The following CSMD2 variants were observed in gnomAD, a reference collection of about 807,000 sequenced individuals.
CSMD2 encodes the protein CUB and sushi domain-containing protein 2.
Under a neutral mutation model 398.5 loss-of-function variants are expected in CSMD2, and 130 were observed. The ratio of observed to expected loss-of-function variants is 0.33; its 90% CI spans 0.28 to 0.38. CSMD2 has a LOEUF of 0.38. Ranked by LOEUF, CSMD2 falls within the 10% of genes least tolerant of loss-of-function variation. The probability of loss-of-function intolerance (pLI) is 1.00; values close to 1 mark genes in which losing one functional copy is unlikely to be tolerated. For synonymous variants in CSMD2, 1,828 were observed against 1,908.5 expected (o/e 0.96, Z 1.10); for missense variants, 3,829 against 4,764.9 (o/e 0.80, Z 5.78).
At chr1:33,638,224 T>A (rs189288273) in intron 29 of CSMD2, among the ~76,000 whole-genome samples, 1 of 152,214 alleles carries the variant, frequency 6.6e-6, no homozygotes, top group African/African-American at 2.4e-5. Context: ...GTCTTCTCCA[T>A]ATGCCTAGTG....
rs145280132 is a variant in CSMD2 at position 33,798,913 on chromosome 1, C to CAGCTT, written c.1447-6388_1447-6387insAAGCT. On this transcript the variant is annotated intron_variant, in intron 10 of 70. Transcript: ENST00000373381. Reference sequence around the variant, plus strand: ...GCATGTGCCCAAAGCCTGCACAAGCCTGCAGAGGATCTGCCAGCTCAGGGC... The same window carrying CAGCTT: ...GCATGTGCCCAAAGCCTGCACAAGCCAGCTTTGCAGAGGATCTGCCAGCTCAGGGC... 6.9e-3 allele frequency among the ~76,000 whole-genome samples: 1,047 copies of CAGCTT among 152,364 alleles called. 7 individuals are homozygous for CAGCTT. The highest frequency in any genetic ancestry group is 0.024 in the African/African-American group (1,001 of 41,588).
intron 55 of CSMD2, among the ~76,000 whole-genome samples, chr1:33,555,025 T>C (rs935852969): frequency 2.6e-5 from 4 of 152,220 alleles, no homozygotes; most frequent in Admixed American, 2.0e-4. Context: ...ACAGATAGTG[T>C]ATTCCTCTGA....
At chr1:33,874,773 A>G (rs1640719761) in intron 5 of CSMD2, among the ~76,000 whole-genome samples, 1 of 152,036 alleles carries the variant, frequency 6.6e-6, no homozygotes. Flanking sequence ...CTCTCCCCAC[A>G]CTCTGTCATT....
At position 34,053,576 on chromosome 1, in the gene CSMD2, G is replaced by A. The variant is rs572700795; in HGVS notation, c.405-20870C>T. Among the ~76,000 whole-genome samples, 8 of 152,244 alleles carry A rather than the reference G, an allele frequency of 5.3e-5. No individual in the cohort carries two copies. The East Asian group carries it at 1.2e-3, about 22-fold the overall frequency. ...TTTGTTTCCTCAGGAAAACAAGTCC[G>A]CATTGCTTCAGAGTCTGAAAAGGCA... On this transcript the variant is annotated intron_variant, in intron 2 of 70. Transcript: ENST00000373381.
chr1:33,874,557 C>G (rs562193709), intron 5 of CSMD2, among the ~76,000 whole-genome samples: 34 of 152,190 alleles, frequency 2.2e-4, no homozygotes, highest in Non-Finnish European at 5.9e-5. Flanking sequence ...GCCAGAAGGC[C>G]TCCTGGGCAT....
intron 3 of CSMD2, among the ~76,000 whole-genome samples, chr1:34,006,294 G>A (rs1647052204): frequency 6.6e-6 from 1 of 152,110 alleles, no homozygotes; most frequent in East Asian, 1.9e-4. Flanking sequence ...GGATGGGGAT[G>A]CTGTACGTTG....
chr1:33,656,362 C>T (rs910339861), intron 27 of CSMD2, among the ~76,000 whole-genome samples: 4 of 152,268 alleles, frequency 2.6e-5, no homozygotes, highest in African/African-American at 9.6e-5. Flanking sequence ...ACTTCAGTAT[C>T]CCATACTGTT....
At chr1:33,784,444 G>A (rs1302706765) in intron 12 of CSMD2, among the ~76,000 whole-genome samples, 1 of 152,168 alleles carries the variant, frequency 6.6e-6, no homozygotes, top group Non-Finnish European at 1.5e-5. Flanking sequence ...GTCAAAGGTG[G>A]AAGGGACAAA....
At chr1:33,998,432 A>G (rs1646794664) in intron 3 of CSMD2, among the ~76,000 whole-genome samples, 1 of 152,210 alleles carries the variant, frequency 6.6e-6, no homozygotes, top group Non-Finnish European at 1.5e-5. Context: ...CAGCTCACGT[A>G]CATGCAAAAT....
In CSMD2 at chr1:33,662,000, C is replaced by G. The variant is rs186234483; in HGVS notation, c.4255+890G>C. Among the ~76,000 whole-genome samples the G allele has an allele frequency of 8.5e-4, 127 of 149,388 alleles. No homozygotes were observed. The Middle Eastern group carries it at 0.014, about 16-fold the overall frequency. ...GAAGACAGCTGCTGTATAATAAACA[C>G]GAGCAGAAACCGAAGCAGAGTCACT... On this transcript the variant is annotated intron_variant, in intron 26 of 70. Coordinates refer to ENST00000373381, the MANE Select transcript of CSMD2 (RefSeq NM_001281956.2).
chr1:33,541,416 G>T lies in CSMD2; in HGVS notation c.9278-107C>A, dbSNP rs1401300153. The T allele has an allele frequency of 4.8e-6, 4 of 829,284 alleles. No individual in the cohort carries two copies. The Admixed American group carries it at 6.1e-5, about 13-fold the overall frequency. The allele number at this position is 829,284 out of a possible 1,614,324, so 51.4% of individuals were successfully genotyped here. On this transcript the variant is annotated intron_variant, in intron 58 of 70. Transcript: ENST00000373381. ...ATGCATCCAAGAAGGGAAACTGTCA[G>T]ATCAGGGATGCCCTGTCTCCTCACA...
intron 3 of CSMD2, among the ~76,000 whole-genome samples, chr1:34,031,005 C>T (rs532818556): frequency 6.6e-6 from 1 of 152,154 alleles, no homozygotes; most frequent in East Asian, 1.9e-4. Flanking sequence ...GTTGCTCAAA[C>T]TTGGAGAGAA....
At chr1:33,538,958 A>T (rs1656065197) in intron 60 of CSMD2, among the ~76,000 whole-genome samples, 1 of 152,090 alleles carries the variant, frequency 6.6e-6, no homozygotes, top group South Asian at 2.1e-4. Flanking sequence ...GCTTTGCTGC[A>T]GGAGTAAAGA....
At chr1:33,892,613 C>T (rs1642104468) in intron 5 of CSMD2, among the ~76,000 whole-genome samples, 2 of 152,182 alleles carry the variant, frequency 1.3e-5, no homozygotes, top group Non-Finnish European at 2.9e-5. Flanking sequence ...AGAATAATGG[C>T]CTCCAGCTCC....
At position 33,533,084 on chromosome 1, in the gene CSMD2, A is replaced by C. The variant is rs1157456299; in HGVS notation, c.10137T>G (p.Asp3379Glu). 6.2e-7 allele frequency: 1 copy of C among 1,613,532 alleles called. No individual in the cohort carries two copies. Among genetic ancestry groups the C allele is most frequent in the Admixed American group, 1.7e-5 (1 of 60,022 alleles). ...TGGGCGGCTTGCCTGTCCAGCTGCCATCCGCCTTGCAGGTGCGGTGCTCGG... is the reference window on the plus strand; with the variant it reads ...TGGGCGGCTTGCCTGTCCAGCTGCCCTCCGCCTTGCAGGTGCGGTGCTCGG... ...GGSEHRTCKA[D>E]GSWTGKPPIC... Residue 3379 changes from aspartate (D) to glutamate (E), a missense_variant, in exon 64 of 71, where the codon GAT (aspartate) becomes GAG (glutamate). Asp to Glu is a conservative substitution (Grantham distance 45). Coordinates refer to ENST00000373381, the MANE Select transcript of CSMD2 (RefSeq NM_001281956.2). This position sits in a 1 kb window ranked among gnomAD's most constrained non-coding sequence, Gnocchi z 4.2.
At chr1:33,630,909 C>G (rs1571010407) in intron 32 of CSMD2, among the ~76,000 whole-genome samples, 1 of 151,950 alleles carries the variant, frequency 6.6e-6, no homozygotes, top group Non-Finnish European at 1.5e-5. Context: ...GAAGCCAAAA[C>G]TATGCTTGGA....
In CSMD2 at chr1:33,608,428, G is replaced by A. The variant is rs777843048; in HGVS notation, c.6343+2613C>T. On this transcript the variant is annotated intron_variant, in intron 41 of 70. Transcript: ENST00000373381. ...TTCCTTATATTTATCCGAGAAGGAA[G>A]GTCTCAGGGAGAGAGCACTTGGGCC... Among the ~76,000 whole-genome samples the A allele has an allele frequency of 7.3e-4, 111 of 152,320 alleles. 1 individual carries two copies. Among genetic ancestry groups the A allele is most frequent in the Non-Finnish European group, 3.4e-4 (23 of 68,038 alleles).
intron 23 of CSMD2, 121 bp downstream of exon 23, chr1:33,700,396 G>T: frequency 2.9e-6 from 3 of 1,025,806 alleles, no homozygotes; most frequent in South Asian, 1.6e-5. Flanking sequence ...GATACATATT[G>T]GATTTTAAAA....
At chr1:34,051,600 C>A (rs1653180951) in intron 2 of CSMD2, among the ~76,000 whole-genome samples, 1 of 151,836 alleles carries the variant, frequency 6.6e-6, no homozygotes, top group Non-Finnish European at 1.5e-5. Context: ...AGTATTGTTA[C>A]TTTTACACCA....
Sources: gnomAD v4.1 joint callset for allele counts (sites outside exome capture counted in the v4.1 genomes callset) on GRCh38, gnomAD v4.1.1 for gene constraint, Gnocchi (gnomAD v3.1) non-coding constraint, MANE v1.5 for transcripts, NCBI Gene and HGNC (gene_info 2026-07-23, HGNC 2026-07-21) for gene names.